The following ZSWIM3 variants were observed in gnomAD, a reference collection of about 807,000 sequenced individuals.
ZSWIM3 encodes zinc finger SWIM-type containing 3.
In ZSWIM3, 27 loss-of-function variants were observed where a neutral mutation model predicts 47.5. That is an observed-to-expected ratio of 0.57 (90% confidence interval 0.42 to 0.78). The LOEUF is 0.78. Among genes scored for constraint, ZSWIM3 ranks in the 30% least tolerant of loss-of-function variants. The pLI, the probability that ZSWIM3 is intolerant of heterozygous loss-of-function variation, is 0.00. For missense variants in ZSWIM3, 689 were observed against 861.3 expected, an observed-to-expected ratio of 0.80 and a Z score of 2.50; for synonymous variants, 333 against 333.9, an observed-to-expected ratio of 1.00 and a Z score of 0.03.
intron 1 of ZSWIM3, among the ~76,000 whole-genome samples, chr20:45,864,897 G>A (rs971435471): frequency 6.6e-6 from 1 of 152,120 alleles, no homozygotes; most frequent in South Asian, 2.1e-4. Flanking sequence ...AGGGCCGGGC[G>A]TGGTGGCTCA....
chr20:45,872,590 T>C, intron 1 of ZSWIM3: 2 of 703,630 alleles, frequency 2.8e-6, no homozygotes, highest in Non-Finnish European at 4.1e-6. Context: ...GGAAGGGCAT[T>C]CCAGACAAAG....
Position 45,857,990 on chromosome 20 carries a change from G to A in ZSWIM3, c.155+10G>A, listed in dbSNP as rs1490185039. On this transcript the variant is annotated intron_variant, in intron 1 of 1. Transcript: ENST00000255152. ...TCCGCGAAGACATCCTGTAAGGGCG[G>A]GCGGGGCGGGGCGGGCCAAGAGGGT... 6.4e-7 allele frequency: 1 copy of A among 1,570,796 alleles called. No homozygotes were observed. Among genetic ancestry groups the A allele is most frequent in the South Asian group, 1.2e-5 (1 of 85,328 alleles).
At chr20:45,867,728 A>G (rs907189310) in intron 1 of ZSWIM3, among the ~76,000 whole-genome samples, 2 of 152,082 alleles carry the variant, frequency 1.3e-5, no homozygotes, top group African/African-American at 2.4e-5. Context: ...TCAGATTTTT[A>G]TGACGGTTGT....
chr20:45,871,068 T>C (rs1365415688), intron 1 of ZSWIM3, among the ~76,000 whole-genome samples: 3 of 152,194 alleles, frequency 2.0e-5, no homozygotes, highest in African/African-American at 7.2e-5. Flanking sequence ...TGAAGTTATT[T>C]TTTTTCTGTT....
At chr20:45,861,696 T>A (rs1985712295) in intron 1 of ZSWIM3, among the ~76,000 whole-genome samples, 1 of 152,126 alleles carries the variant, frequency 6.6e-6, no homozygotes, top group Non-Finnish European at 1.5e-5. Context: ...TACCTCAGCC[T>A]CCTAAGTAGC....
intron 1 of ZSWIM3, among the ~76,000 whole-genome samples, chr20:45,866,011 AAAAG>A (rs1195685879): frequency 0.012 from 1,879 of 150,342 alleles, 20 homozygotes; most frequent in South Asian, 0.018. Context: ...AAAAAAAAGA[AAAAG>A]AAAAAAAAAA....
At position 45,878,793 on chromosome 20, in the gene ZSWIM3, G is replaced by C. The variant is rs1033331143; in HGVS notation, c.*144G>C. 23 of 1,064,082 alleles carry C rather than the reference G, an allele frequency of 2.2e-5. No homozygotes were observed. The highest frequency in any genetic ancestry group is 3.0e-5 in the Non-Finnish European group (23 of 762,830). 65.9% of individuals were successfully genotyped at this position (1,064,082 alleles called of 1,614,324 possible). On this transcript the variant is annotated 3_prime_UTR_variant, in exon 2 of 2. Coordinates refer to ENST00000255152, the MANE Select transcript of ZSWIM3 (RefSeq NM_080752.4). The stretch of plus-strand genomic sequence containing the variant: ...GAATATTGTTACAGTAGAGAGGAAG[G>C]GAACTCCACTGTGTGACAGTCCTTT...
intron 1 of ZSWIM3, among the ~76,000 whole-genome samples, chr20:45,873,415 T>C (rs929802516): frequency 1.3e-5 from 2 of 151,712 alleles, no homozygotes; most frequent in African/African-American, 4.8e-5. Flanking sequence ...AAAAAAAGCA[T>C]CTGCTGAAGG....
At chr20:45,866,315 A>G (rs2145787920) in intron 1 of ZSWIM3, among the ~76,000 whole-genome samples, 1 of 152,280 alleles carries the variant, frequency 6.6e-6, no homozygotes, top group South Asian at 2.1e-4. Flanking sequence ...AAAATTGAAA[A>G]TAATAGTGCA....
In ZSWIM3 at chr20:45,857,865, A is replaced by C. The variant is rs1985572178; in HGVS notation, c.40A>C (p.Lys14Gln). The change falls in exon 1 of 2, where the codon AAG becomes CAG. Residue 14 changes from lysine (K) to glutamine (Q), a missense_variant. By Grantham distance (53) the Lys-to-Gln change is moderately conservative. Transcript: ENST00000255152. ...CTGCTTCAAGACCTATGAGGACTTC[A>C]AGGAGTGCTTCAGCGCCTACAAAAG... is the stretch of plus-strand genomic sequence containing the variant. ...GSCFKTYEDF[K>Q]ECFSAYKREN... 1 of 1,614,156 alleles carries C rather than the reference A, an allele frequency of 6.2e-7. No homozygotes were observed. The highest frequency in any genetic ancestry group is 8.5e-7 in the Non-Finnish European group (1 of 1,180,012).
intron 1 of ZSWIM3, among the ~76,000 whole-genome samples, chr20:45,875,095 G>A (rs995701222): frequency 6.9e-6 from 1 of 145,958 alleles, no homozygotes; most frequent in African/African-American, 2.6e-5. Flanking sequence ...CTGGAGTGCG[G>A]TGGCGCCATC....
chr20:45,866,698 A>G (rs1985850337), intron 1 of ZSWIM3, among the ~76,000 whole-genome samples: 1 of 152,104 alleles, frequency 6.6e-6, no homozygotes, highest in Non-Finnish European at 1.5e-5. Context: ...GCTACTCAGG[A>G]GGCTGAAGCC....
chr20:45,859,816 A>AAAAAAAAAAAAC (rs146830909), intron 1 of ZSWIM3, among the ~76,000 whole-genome samples: 2 of 129,302 alleles, frequency 1.5e-5, no homozygotes, highest in African/African-American at 2.7e-5. Flanking sequence ...AAAAAAAAAA[A>AAAAAAAAAAAAC]CCACAGTTGC....
chr20:45,863,697 T>C (rs1034993779), intron 1 of ZSWIM3, among the ~76,000 whole-genome samples: 1 of 152,124 alleles, frequency 6.6e-6, no homozygotes, highest in African/African-American at 2.4e-5. Flanking sequence ...AGTCAAACAT[T>C]AAGAGACAAA....
chr20:45,873,286 A>G (rs535433247), intron 1 of ZSWIM3, among the ~76,000 whole-genome samples: 13 of 152,268 alleles, frequency 8.5e-5, no homozygotes, highest in Admixed American at 3.9e-4. Context: ...CTGTAATCCC[A>G]GCTACTCGGG....
Position 45,877,710 on chromosome 20 carries a change from C to A in ZSWIM3, c.1152C>A (p.Gly384=), listed in dbSNP as rs373420841. ...ELLWYMHVRK[G]LLACNTYMDS... ...TGTGGTACATGCATGTTAGGAAGGG[C>A]CTGCTTGCGTGTAACACCTACATGG... Residue 384 remains glycine (G), a synonymous_variant, in exon 2 of 2, where the codon GGC becomes GGA. Coordinates refer to ENST00000255152, the MANE Select transcript of ZSWIM3 (RefSeq NM_080752.4). 6.2e-7 allele frequency: 1 copy of A among 1,613,988 alleles called. No individual in the cohort carries two copies. Among genetic ancestry groups the A allele is most frequent in the Non-Finnish European group, 8.5e-7 (1 of 1,179,916 alleles).
At chr20:45,864,987 G>A (rs939723714) in intron 1 of ZSWIM3, among the ~76,000 whole-genome samples, 7 of 152,172 alleles carry the variant, frequency 4.6e-5, no homozygotes, top group Admixed American at 2.6e-4. Flanking sequence ...TGGCTAACAC[G>A]GAGAAACCCT....
intron 1 of ZSWIM3, among the ~76,000 whole-genome samples, chr20:45,874,133 A>G (rs1308333057): frequency 6.6e-6 from 1 of 152,146 alleles, no homozygotes; most frequent in East Asian, 1.9e-4. Flanking sequence ...TGTAATCCCA[A>G]CTACTTGGGA....
intron 1 of ZSWIM3, among the ~76,000 whole-genome samples, chr20:45,870,438 C>T (rs1177442988): frequency 6.6e-6 from 1 of 152,054 alleles, no homozygotes; most frequent in Non-Finnish European, 1.5e-5. Context: ...ATACAATTAC[C>T]TTAATTGACT....
Sources: allele counts gnomAD v4.1 joint callset (sites outside exome capture counted in the v4.1 genomes callset), GRCh38; gene constraint gnomAD v4.1.1; transcripts MANE v1.5; gene names NCBI Gene and HGNC (gene_info 2026-07-23, HGNC 2026-07-21).